RNLS: variants seen among roughly 807,000 people sequenced by gnomAD.
The protein encoded by RNLS is renalase.
A neutral mutation model predicts 39.8 loss-of-function variants in RNLS; 39 were observed. That is an observed-to-expected ratio of 0.98 (90% CI 0.76 to 1.28). The LOEUF (loss-of-function observed/expected upper bound fraction) is 1.28. RNLS is among the 50% of genes most tolerant of loss of function. The pLI is 0.00. For synonymous variants in RNLS, 147 were observed against 150.7 expected (o/e 0.98, Z 0.18); for missense variants, 410 against 413.3 (o/e 0.99, Z 0.07).
chr10:88,213,890 T>A, the RNLS span, among the ~76,000 whole-genome samples: 1 of 152,210 alleles, frequency 6.6e-6, no homozygotes, highest in African/African-American at 2.4e-5. Flanking sequence ...TGGATCTCTA[T>A]ATCATTAGGT....
At chr10:88,575,181 TA>T (rs1214987306) in intron 3 of RNLS, among the ~76,000 whole-genome samples, 38 of 73,188 alleles carry the variant, frequency 5.2e-4, no homozygotes, top group Middle Eastern at 6.6e-3. Context: ...CACACACACA[TA>T]TTATATATAT....
chr10:88,461,273 G>A (rs1346067347), intron 4 of RNLS, among the ~76,000 whole-genome samples: 1 of 152,110 alleles, frequency 6.6e-6, no homozygotes, highest in African/African-American at 2.4e-5. Flanking sequence ...AGCATGGGAA[G>A]AGGCTTTGGG....
chr10:88,324,427 C>CAAAA (rs57362184), intron 5 of RNLS, among the ~76,000 whole-genome samples: 5 of 78,630 alleles, frequency 6.4e-5, no homozygotes, highest in Non-Finnish European at 1.1e-4. Context: ...GTGTCCTTTG[C>CAAAA]AAAAAAAAAA....
At chr10:88,315,938 G>A (rs1186789696) in intron 5 of RNLS, among the ~76,000 whole-genome samples, 2 of 152,054 alleles carry the variant, frequency 1.3e-5, no homozygotes, top group South Asian at 4.1e-4. Context: ...CCAGAGACAC[G>A]CGTAAAGCTT....
chr10:88,521,287 C>A (rs1203896403), intron 4 of RNLS, among the ~76,000 whole-genome samples: 2 of 151,976 alleles, frequency 1.3e-5, no homozygotes, highest in Non-Finnish European at 2.9e-5. Flanking sequence ...TATGCTTTGA[C>A]AGAATTGATT....
intron 6 of RNLS, among the ~76,000 whole-genome samples, chr10:88,303,259 G>A (rs1413847043): frequency 1.3e-5 from 2 of 152,246 alleles, no homozygotes; most frequent in Non-Finnish European, 2.9e-5. Flanking sequence ...TTTGGTGCAG[G>A]AGGATCAGTA....
At chr10:88,273,233 C>G (rs1015183935), downstream of RNLS, among the ~76,000 whole-genome samples, 2 of 152,172 alleles carry the variant, frequency 1.3e-5, no homozygotes, top group Non-Finnish European at 2.9e-5. Context: ...CTCTGGAGCA[C>G]CTCAACACAA....
chr10:88,472,960 A>G (rs1344819032), intron 4 of RNLS, among the ~76,000 whole-genome samples: 1 of 152,212 alleles, frequency 6.6e-6, no homozygotes, highest in Non-Finnish European at 1.5e-5. Flanking sequence ...ATATGTTCTA[A>G]GAAATATAAG....
intron 5 of RNLS, among the ~76,000 whole-genome samples, chr10:88,346,757 AGT>A (rs1684345132): frequency 1.3e-5 from 2 of 152,180 alleles, no homozygotes; most frequent in South Asian, 2.1e-4. Context: ...CCGTGATGTT[AGT>A]GTCTCTTATT....
In RNLS at chr10:88,429,008, G is replaced by T. The variant is rs189520450; in HGVS notation, c.527-66283C>A. ...ATAAAGGCTTACTAAGTAATATTCT[G>T]GTGTCTTAAAAGAGTTAATGCTTTC... On this transcript the variant is annotated intron_variant, in intron 4 of 6. Coordinates refer to ENST00000331772, the MANE Select transcript of RNLS (RefSeq NM_001031709.3). 7.0e-4 allele frequency among the ~76,000 whole-genome samples: 107 copies of T among 151,856 alleles called. 1 individual carries two copies. In the East Asian group the frequency reaches 0.015, roughly 21 times the overall value.
At chr10:88,340,323 C>A (rs975476838) in intron 5 of RNLS, among the ~76,000 whole-genome samples, 1 of 152,224 alleles carries the variant, frequency 6.6e-6, no homozygotes, top group Admixed American at 6.5e-5. Flanking sequence ...AGGCTTCTGA[C>A]TTTACTTGCA....
the RNLS span, among the ~76,000 whole-genome samples, chr10:88,206,844 C>A: frequency 1.3e-5 from 2 of 151,906 alleles, no homozygotes; most frequent in East Asian, 1.9e-4. Context: ...AAAAGATGAC[C>A]CTGAACAAGA....
At chr10:88,258,549 C>CT in the RNLS span, among the ~76,000 whole-genome samples, 1 of 152,184 alleles carries the variant, frequency 6.6e-6, no homozygotes, top group Non-Finnish European at 1.5e-5. Context: ...TGCATATAAA[C>CT]TGTCTAATCA....
intron 4 of RNLS, among the ~76,000 whole-genome samples, chr10:88,548,267 AAAAAAAAAAAAAAAAAAAAAAAAAAAG>A (rs1404377791): frequency 6.8e-5 from 3 of 44,028 alleles, no homozygotes; most frequent in Admixed American, 4.9e-4. Flanking sequence ...GTCTCAAAAA[AAAAAAAAAAAAAAAAAAAAAAAAAAAG>A]AAAAGAAAAA....
Position 88,581,598 on chromosome 10 carries a change from A to G in RNLS, c.336T>C (p.Ser112=). The change falls in exon 3 of 7, where the codon TCT becomes TCC. Residue 112 remains serine, a synonymous_variant. Coordinates refer to ENST00000331772, the MANE Select transcript of RNLS (RefSeq NM_001031709.3). The part of the protein sequence containing the change: ...DCNFVAPQGI[S]SIIKHYLKES... ...CTTTCAAGTAATGCTTAATAATTGA[A>G]GAAATTCCTTGAGGTGCCACAAAGT... The G allele has an allele frequency of 6.2e-7, 1 of 1,605,262 alleles. No individual in the cohort carries two copies. Among genetic ancestry groups the G allele is most frequent in the Non-Finnish European group, 8.5e-7 (1 of 1,176,076 alleles).
At chr10:88,545,484 C>A (rs891480514) in intron 4 of RNLS, 1 of 455,784 alleles carries the variant, frequency 2.2e-6, no homozygotes, top group Non-Finnish European at 4.4e-6. Flanking sequence ...AGCATATGTA[C>A]AACTGCCCTT....
intron 4 of RNLS, among the ~76,000 whole-genome samples, chr10:88,405,496 G>T (rs1341542973): frequency 6.6e-6 from 1 of 151,910 alleles, no homozygotes; most frequent in Non-Finnish European, 1.5e-5. Flanking sequence ...AGTTTATTTT[G>T]TCTGATATAA....
In RNLS at chr10:88,491,161, T is replaced by C. The variant is rs57540015; in HGVS notation, c.526+81742A>G. 1.7e-3 allele frequency among the ~76,000 whole-genome samples: 263 copies of C among 152,310 alleles called. 1 individual carries two copies. The highest frequency in any genetic ancestry group is 6.1e-3 in the African/African-American group (252 of 41,576). On this transcript the variant is annotated intron_variant, in intron 4 of 6. Transcript: ENST00000331772. ...ACCAGTCTGCTTCAGAAAACACTGC[T>C]AGTGCTAGTGGTTCATATTTAGCAC... is the stretch of plus-strand genomic sequence containing the variant.
intron 4 of RNLS, among the ~76,000 whole-genome samples, chr10:88,477,536 G>T (rs942850292): frequency 1.3e-5 from 2 of 152,160 alleles, no homozygotes; most frequent in Non-Finnish European, 2.9e-5. Flanking sequence ...TGATGGTGAA[G>T]ACAGGGATGA....
Sources: gnomAD v4.1 joint callset for allele counts (sites outside exome capture counted in the v4.1 genomes callset) on GRCh38, gnomAD v4.1.1 for gene constraint, MANE v1.5 for transcripts, NCBI Gene and HGNC (gene_info 2026-07-23, HGNC 2026-07-21) for gene names.